The following KHDC1 variants were observed in gnomAD, a reference collection of about 807,000 sequenced individuals.
KHDC1 encodes KH domain containing 1.
Under a neutral mutation model 24.7 loss-of-function variants are expected in KHDC1, and 21 were observed. That is an observed-to-expected ratio of 0.85 (90% CI 0.60 to 1.23). The LOEUF (loss-of-function observed/expected upper bound fraction) is 1.23, where lower values mean the gene tolerates loss of function less well. Among genes scored for constraint, KHDC1 ranks in the 50% most tolerant of loss-of-function variants. KHDC1 has a pLI of 0.00. For missense variants in KHDC1, 274 were observed against 298.5 expected (o/e 0.92, Z 0.61); for synonymous variants, 98 against 111.7 (o/e 0.88, Z 0.77).
chr6:73,267,440 G>A (rs559801661), intron 2 of KHDC1, among the ~76,000 whole-genome samples: 5 of 152,200 alleles, frequency 3.3e-5, no homozygotes, highest in East Asian at 3.9e-4. Flanking sequence ...CTGAGATCAC[G>A]CCACTGCACT....
intron 2 of KHDC1, among the ~76,000 whole-genome samples, chr6:73,255,466 G>T (rs534509537): frequency 6.9e-6 from 1 of 145,662 alleles, no homozygotes; most frequent in Admixed American, 6.9e-5. Flanking sequence ...TGATCCACCC[G>T]CCTTCTTGGC....
intron 1 of KHDC1, chr6:73,299,350 ACCAGC>A (rs1767820350): frequency 6.6e-6 from 1 of 152,248 alleles, no homozygotes; most frequent in African/African-American, 2.4e-5. Flanking sequence ...GCCTCCGACG[ACCAGC>A]AGCCAAGTTA....
chr6:73,309,535 C>A (rs1018626679), intron 1 of KHDC1: 1 of 1,499,256 alleles, frequency 6.7e-7, no homozygotes. Context: ...CCTACCAGGG[C>A]CCCTAAAGCC....
chr6:73,297,585 G>A (rs1301288763), intron 1 of KHDC1, among the ~76,000 whole-genome samples: 1 of 152,134 alleles, frequency 6.6e-6, no homozygotes, highest in Non-Finnish European at 1.5e-5. Context: ...ATTGCCAAAT[G>A]TCTTCCCATT....
At chr6:73,277,986 CT>C in intron 2 of KHDC1, among the ~76,000 whole-genome samples, 1 of 116,316 alleles carries the variant, frequency 8.6e-6, no homozygotes, top group Non-Finnish European at 1.7e-5. Context: ...TTTGTAGATG[CT>C]TTCTCTCTCT....
At chr6:73,252,017 C>T (rs1442859376) in intron 2 of KHDC1, among the ~76,000 whole-genome samples, 2 of 151,582 alleles carry the variant, frequency 1.3e-5, no homozygotes, top group Non-Finnish European at 2.9e-5. Flanking sequence ...GCCACAGGGC[C>T]CAGGCCTTGG....
intron 2 of KHDC1, chr6:73,263,151 G>C (rs1045778150): frequency 2.0e-6 from 2 of 988,104 alleles, no homozygotes; most frequent in East Asian, 1.1e-4. Context: ...CCTTCCAGGG[G>C]TCCCGGCTCG....
intron 1 of KHDC1, chr6:73,309,529 C>T: frequency 1.3e-6 from 2 of 1,495,220 alleles, no homozygotes; most frequent in East Asian, 5.0e-5. Flanking sequence ...GCTTTTCCTA[C>T]CAGGGCCCCT....
intron 2 of KHDC1, chr6:73,263,090 G>T: frequency 3.0e-6 from 3 of 1,014,474 alleles, no homozygotes; most frequent in South Asian, 3.9e-5. Context: ...GCGGCTGCAG[G>T]CCTGGCCGAT....
At position 73,307,623 on chromosome 6, in the gene KHDC1, G is replaced by A. The variant is rs150546537; in HGVS notation, c.163+1929C>T. Among the ~76,000 whole-genome samples the A allele has an allele frequency of 6.2e-4, 94 of 152,186 alleles. 1 individual carries two copies. Among genetic ancestry groups the A allele is most frequent in the South Asian group, 4.1e-3 (20 of 4,824 alleles). On this transcript the variant is annotated intron_variant, in intron 1 of 4. Coordinates refer to ENST00000370384, the Ensembl canonical transcript of KHDC1. Reference sequence around the variant, plus strand: ...TGATCCCCAGGCCAGCAGGCTTTCCGCAAGCAACGCCGTCCCTGCCTGAGA... The same window carrying A: ...TGATCCCCAGGCCAGCAGGCTTTCCACAAGCAACGCCGTCCCTGCCTGAGA...
chr6:73,273,851 G>T (rs62438235), intron 2 of KHDC1, among the ~76,000 whole-genome samples: 42,074 of 151,962 alleles, frequency 0.28, 6,463 homozygotes, highest in African/African-American at 0.41. Flanking sequence ...AGGCACAATG[G>T]TTCACACCTA....
intron 2 of KHDC1, 86 bp from the exon 1 acceptor site, chr6:73,263,282 C>G: frequency 1.0e-6 from 1 of 985,670 alleles, no homozygotes; most frequent in Non-Finnish European, 1.2e-6. Flanking sequence ...AGGAGACAGC[C>G]TGCGGAGCCC....
intron 2 of KHDC1, among the ~76,000 whole-genome samples, chr6:73,279,753 T>C (rs1767371277): frequency 6.6e-6 from 1 of 151,982 alleles, no homozygotes. Context: ...CTAATGTTTA[T>C]ATTTTTCGTA....
rs138042553 is a variant in KHDC1 at position 73,260,868 on chromosome 6, T to C, written c.207-18338A>G. Among the ~76,000 whole-genome samples the C allele has an allele frequency of 2.8e-3, 422 of 152,346 alleles. 1 individual carries two copies. Among genetic ancestry groups the C allele is most frequent in the Non-Finnish European group, 4.4e-3 (302 of 68,038 alleles). On this transcript the variant is annotated intron_variant, in intron 2 of 4. Coordinates refer to ENST00000370384, the Ensembl canonical transcript of KHDC1. ...TATTTCATTCTTACTTCTTCATCTA[T>C]TGTCTATTTATACATTTGCCCATTT... is the stretch of plus-strand genomic sequence containing the variant.
At chr6:73,253,905 C>CCAA (rs1766829422) in intron 2 of KHDC1, among the ~76,000 whole-genome samples, 1 of 151,662 alleles carries the variant, frequency 6.6e-6, no homozygotes, top group African/African-American at 2.4e-5. Context: ...GGCTCTGTCT[C>CCAA]CAACAACAAC....
intron 2 of KHDC1, among the ~76,000 whole-genome samples, chr6:73,256,187 G>T (rs1766877587): frequency 6.6e-6 from 1 of 152,046 alleles, no homozygotes; most frequent in Admixed American, 6.6e-5. Flanking sequence ...TAAATTGCTA[G>T]CCATTAAAAA....
chr6:73,269,849 C>A, intron 2 of KHDC1: 1 of 152,308 alleles, frequency 6.6e-6, no homozygotes. Flanking sequence ...CTCACTGCAG[C>A]CTCAAATTCC....
At chr6:73,254,864 C>T (rs1351564695) in intron 2 of KHDC1, among the ~76,000 whole-genome samples, 1 of 151,610 alleles carries the variant, frequency 6.6e-6, no homozygotes, top group African/African-American at 2.4e-5. Context: ...TAGCTGGGTA[C>T]GGTGTCAGGC....
intron 1 of KHDC1, among the ~76,000 whole-genome samples, chr6:73,304,411 G>A (rs1767926182): frequency 6.6e-6 from 1 of 152,096 alleles, no homozygotes; most frequent in Middle Eastern, 3.2e-3. Context: ...AAATTTATTT[G>A]GGTAGAGCTG....
Sources: allele counts gnomAD v4.1 joint callset (sites outside exome capture counted in the v4.1 genomes callset), GRCh38; gene constraint gnomAD v4.1.1; transcripts MANE v1.5; gene names NCBI Gene and HGNC (gene_info 2026-07-23, HGNC 2026-07-21).